Variants in REEP3 observed in about 807,000 individuals in gnomAD.
REEP3 encodes receptor accessory protein 3, also known as receptor expression-enhancing protein 3.
In REEP3, 20 loss-of-function variants were observed where a neutral mutation model predicts 41.3. That is an observed-to-expected ratio of 0.48 (90% CI 0.34 to 0.70). The LOEUF (loss-of-function observed/expected upper bound fraction) is 0.70. REEP3 is among the 30% of genes least tolerant of loss of function. The pLI, the probability that REEP3 is intolerant of heterozygous loss-of-function variation, is 0.01. For missense variants in REEP3, 271 were observed against 308.8 expected (o/e 0.88, Z 0.92); for synonymous variants, 104 against 101.8 (o/e 1.02, Z -0.13).
rs199716544 is a variant in REEP3, at chr10:63,563,055, TAGAAGGC to T, written c.33-3282_33-3276del. 512 of 454,418 alleles carry T rather than the reference TAGAAGGC, an allele frequency of 1.1e-3. 3 individuals are homozygous for T. Among genetic ancestry groups the T allele is most frequent in the African/African-American group, 9.2e-3 (458 of 50,024 alleles). 28.1% of individuals were successfully genotyped at this position (454,418 alleles called of 1,614,324 possible). A position where few individuals can be genotyped will look rare whatever the true frequency, so the allele number is the denominator to read the frequency against. On this transcript the variant is annotated intron_variant, in intron 1 of 7. Transcript: ENST00000373758. ...AGGGGCCATTATGTGAGGACACAGC[TAGAAGGC>T]TACAAGCCAAGGAAAGAGGCCTCAG... is the stretch of plus-strand genomic sequence containing the variant.
intron 6 of REEP3, among the ~76,000 whole-genome samples, chr10:63,611,784 A>G (rs1316696743): frequency 1.3e-5 from 2 of 151,552 alleles, no homozygotes; most frequent in African/African-American, 4.8e-5. Context: ...TGCAAAAAAA[A>G]ATTTTTTTTT....
intron 2 of REEP3, among the ~76,000 whole-genome samples, chr10:63,593,953 A>G (rs1408942222): frequency 2.0e-5 from 3 of 152,208 alleles, no homozygotes; most frequent in Non-Finnish European, 4.4e-5. Context: ...TGCATCATTA[A>G]TAGAAGTAAG....
At chr10:63,581,395 C>G (rs1463424233) in intron 2 of REEP3, among the ~76,000 whole-genome samples, 1 of 152,008 alleles carries the variant, frequency 6.6e-6, no homozygotes, top group Non-Finnish European at 1.5e-5. Flanking sequence ...TTTTGAAAAA[C>G]TATAAAAAAA....
rs577885940 is a variant in REEP3, at chr10:63,608,280, A to G, written c.418-1907A>G. On this transcript the variant is annotated intron_variant, in intron 5 of 7. Coordinates refer to ENST00000373758, the MANE Select transcript of REEP3 (RefSeq NM_001001330.3). The stretch of plus-strand genomic sequence containing the variant: ...ATGTTTTTTAAATGTGTGAAATCCA[A>G]TTATTTTTATTGAGAATAAAGTCCT... Among the ~76,000 whole-genome samples the G allele has an allele frequency of 5.9e-5, 9 of 152,348 alleles. 1 individual carries two copies. The South Asian group carries it at 1.2e-3, about 21-fold the overall frequency.
At chr10:63,568,907 C>T (rs1442126589) in intron 2 of REEP3, among the ~76,000 whole-genome samples, 1 of 152,086 alleles carries the variant, frequency 6.6e-6, no homozygotes, top group Admixed American at 6.5e-5. Flanking sequence ...AGGTTATCCA[C>T]CTACTTCAGC....
At chr10:63,553,189 G>A (rs570460799) in intron 1 of REEP3, among the ~76,000 whole-genome samples, 145 of 152,284 alleles carry the variant, frequency 9.5e-4, no homozygotes, top group Non-Finnish European at 4.7e-4. Flanking sequence ...CTCACAACAT[G>A]AAGAGCGAGA....
At chr10:63,593,766 G>A (rs1023558683) in intron 2 of REEP3, among the ~76,000 whole-genome samples, 8 of 152,210 alleles carry the variant, frequency 5.3e-5, no homozygotes, top group African/African-American at 1.9e-4. Context: ...AGAGAAGGCA[G>A]AGTGCCAGGG....
intron 1 of REEP3, among the ~76,000 whole-genome samples, chr10:63,555,979 G>A (rs1233321925): frequency 6.6e-6 from 1 of 151,940 alleles, no homozygotes; most frequent in Non-Finnish European, 1.5e-5. Flanking sequence ...AGTTGTCTTA[G>A]GAACCTGTTA....
rs146975100 is a variant in REEP3, at chr10:63,615,948, C to A, written c.566-3707C>A. ...TTTCTGACCTGCTATACTACAGTAA[C>A]CTCCCCACTTACGCTCCCTTCCCTC... On this transcript the variant is annotated intron_variant, in intron 6 of 7. Coordinates refer to ENST00000373758, the MANE Select transcript of REEP3 (RefSeq NM_001001330.3). Among the ~76,000 whole-genome samples the A allele has an allele frequency of 3.9e-3, 593 of 152,292 alleles. 1 individual carries two copies. Among genetic ancestry groups the A allele is most frequent in the African/African-American group, 0.011 (465 of 41,544 alleles).
chr10:63,557,959 A>C (rs1955704832), intron 1 of REEP3, among the ~76,000 whole-genome samples: 1 of 152,224 alleles, frequency 6.6e-6, no homozygotes, highest in African/African-American at 2.4e-5. Flanking sequence ...TTTCTCAAAG[A>C]AAGCTAAGCA....
intron 5 of REEP3, among the ~76,000 whole-genome samples, chr10:63,601,688 G>A (rs1956172979): frequency 6.6e-6 from 1 of 152,198 alleles, no homozygotes; most frequent in Non-Finnish European, 1.5e-5. Context: ...GGAGGCCGAG[G>A]TAGGTGGATC....
chr10:63,569,879 T>C (rs1269145877), intron 2 of REEP3, among the ~76,000 whole-genome samples: 1 of 151,836 alleles, frequency 6.6e-6, no homozygotes, highest in African/African-American at 2.4e-5. Flanking sequence ...GAGTCGAGAC[T>C]ACAGTGAGAC....
At chr10:63,610,409 C>G (rs568294809) in intron 6 of REEP3, 75 bp downstream of exon 6, 5 of 1,325,332 alleles carry the variant, frequency 3.8e-6, no homozygotes, top group Non-Finnish European at 5.2e-6. Flanking sequence ...TGGGGCCTGT[C>G]GGGGGGTGGG....
At chr10:63,574,030 G>T (rs191778760) in intron 2 of REEP3, among the ~76,000 whole-genome samples, 3 of 152,102 alleles carry the variant, frequency 2.0e-5, no homozygotes, top group Non-Finnish European at 4.4e-5. Context: ...GTTTTCCAAG[G>T]CTTATTATGG....
At chr10:63,597,992 G>A (rs1377837569) in intron 3 of REEP3, 32 bp from the exon 4 acceptor site, 3 of 1,564,428 alleles carry the variant, frequency 1.9e-6, no homozygotes, top group Non-Finnish European at 2.6e-6. Flanking sequence ...GTTTTTCACT[G>A]GCAGTTTATT....
intron 1 of REEP3, among the ~76,000 whole-genome samples, chr10:63,535,005 C>T (rs1955461478): frequency 6.6e-6 from 1 of 152,128 alleles, no homozygotes. Flanking sequence ...TCTTTCCTCA[C>T]CTTTATCTCT....
intron 1 of REEP3, among the ~76,000 whole-genome samples, chr10:63,551,099 G>T (rs1375032235): frequency 1.3e-5 from 2 of 152,116 alleles, no homozygotes; most frequent in Non-Finnish European, 2.9e-5. Context: ...TCCAATAAAA[G>T]GAATAAAGGC....
At chr10:63,569,940 CA>C (rs904874341) in intron 2 of REEP3, among the ~76,000 whole-genome samples, 1 of 150,708 alleles carries the variant, frequency 6.6e-6, no homozygotes, top group African/African-American at 2.4e-5. Context: ...AACCCTGTCT[CA>C]AAAAAAATAC....
intron 1 of REEP3, chr10:63,562,634 G>A (rs569941396): frequency 8.8e-6 from 4 of 456,448 alleles, no homozygotes; most frequent in African/African-American, 8.0e-5. Context: ...TATTCTTCCT[G>A]TGACTTGTTG....
Sources: allele counts gnomAD v4.1 joint callset (sites outside exome capture counted in the v4.1 genomes callset), GRCh38; gene constraint gnomAD v4.1.1; transcripts MANE v1.5; gene names NCBI Gene and HGNC (gene_info 2026-07-23, HGNC 2026-07-21).